The following UTRN variants were observed in gnomAD, a reference collection of about 807,000 sequenced individuals.
The protein encoded by UTRN is dystrophin-related protein 1.
A neutral mutation model predicts 463.9 loss-of-function variants in UTRN; 283 were observed. That is an observed-to-expected ratio of 0.61 (90% confidence interval 0.55 to 0.67). UTRN has a LOEUF of 0.67. UTRN is among the 30% of genes least tolerant of loss of function. The pLI, the probability that UTRN is intolerant of heterozygous loss-of-function variation, is 0.00. For synonymous variants in UTRN, 1,442 were observed against 1,431.5 expected, an observed-to-expected ratio of 1.01 and a Z score of -0.17; for missense variants, 3,922 against 4,084.3, an observed-to-expected ratio of 0.96 and a Z score of 1.08.
At chr6:144,558,054 A>G (rs1013399064) in intron 50 of UTRN, among the ~76,000 whole-genome samples, 4 of 152,228 alleles carry the variant, frequency 2.6e-5, no homozygotes, top group South Asian at 2.1e-4. Flanking sequence ...TTAAAATGCA[A>G]CTGTCTTAAA....
chr6:144,849,000 G>T (rs1288704353), intron 74 of UTRN, among the ~76,000 whole-genome samples: 1 of 152,056 alleles, frequency 6.6e-6, no homozygotes, highest in African/African-American at 2.4e-5. Flanking sequence ...TATGAGGAAT[G>T]GGGGAGAATG....
At chr6:144,707,106 T>C (rs1785172615) in intron 53 of UTRN, 1 of 152,152 alleles carries the variant, frequency 6.6e-6, no homozygotes. Flanking sequence ...TTACAAAAAT[T>C]AAATTCAAAT....
intron 34 of UTRN, among the ~76,000 whole-genome samples, chr6:144,506,098 C>G (rs1451796750): frequency 1.5e-5 from 2 of 137,788 alleles, no homozygotes; most frequent in Non-Finnish European, 1.6e-5. Flanking sequence ...TTTTTTTTTG[C>G]TTTCCATTTG....
At chr6:144,445,816 G>A (rs1050721201) in intron 14 of UTRN, among the ~76,000 whole-genome samples, 25 of 151,952 alleles carry the variant, frequency 1.6e-4, no homozygotes, top group African/African-American at 5.8e-4. Context: ...AGGCCGAGGC[G>A]GGCAGATCAC....
intron 3 of UTRN, among the ~76,000 whole-genome samples, chr6:144,405,909 T>C (rs1584645054): frequency 6.6e-6 from 1 of 152,368 alleles, no homozygotes; most frequent in African/African-American, 2.4e-5. Flanking sequence ...AACTAGTGGG[T>C]GTCCTGTTAG....
At chr6:144,763,776 A>G (rs1347357388) in intron 58 of UTRN, among the ~76,000 whole-genome samples, 1 of 152,260 alleles carries the variant, frequency 6.6e-6, no homozygotes, top group Non-Finnish European at 1.5e-5. Flanking sequence ...ATTAACGGTT[A>G]TAGAAAACTT....
At chr6:144,501,888 G>C (rs1794216493) in intron 34 of UTRN, among the ~76,000 whole-genome samples, 1 of 152,030 alleles carries the variant, frequency 6.6e-6, no homozygotes, top group Non-Finnish European at 1.5e-5. Flanking sequence ...TCATGTTTTG[G>C]TTATTTAATT....
chr6:144,433,631 C>T (rs1229169231), intron 9 of UTRN, among the ~76,000 whole-genome samples: 5 of 148,980 alleles, frequency 3.4e-5, no homozygotes, highest in African/African-American at 7.5e-5. Context: ...TCAGACGGGG[C>T]GGCCGGGCAG....
chr6:144,526,751 T>C (rs1272110333), intron 41 of UTRN, among the ~76,000 whole-genome samples: 1 of 152,030 alleles, frequency 6.6e-6, no homozygotes, highest in Non-Finnish European at 1.5e-5. Flanking sequence ...CCTTGGTTTT[T>C]TTTTTTTTTT....
At chr6:144,378,960 C>G (rs1270017062) in intron 2 of UTRN, among the ~76,000 whole-genome samples, 1 of 152,176 alleles carries the variant, frequency 6.6e-6, no homozygotes, top group Admixed American at 6.6e-5. Flanking sequence ...AGAAAGGATT[C>G]ATTTCAGCAT....
At chr6:144,464,283 G>A (rs936489510) in intron 23 of UTRN, among the ~76,000 whole-genome samples, 2 of 152,138 alleles carry the variant, frequency 1.3e-5, no homozygotes, top group African/African-American at 4.8e-5. Flanking sequence ...TTGGAGGGGC[G>A]TTCTTTGACT....
At chr6:144,403,330 T>C (rs1166842220) in intron 3 of UTRN, 146 bp downstream of exon 3, 2 of 713,040 alleles carry the variant, frequency 2.8e-6, no homozygotes, top group Non-Finnish European at 4.8e-6. Flanking sequence ...GTTCCTTTAT[T>C]CTGTCCTAAA....
chr6:144,389,204 G>T (rs1781685704), intron 2 of UTRN, among the ~76,000 whole-genome samples: 1 of 152,210 alleles, frequency 6.6e-6, no homozygotes, highest in Non-Finnish European at 1.5e-5. Context: ...GTTAATAAGA[G>T]ACAAATGGTT....
intron 23 of UTRN, among the ~76,000 whole-genome samples, chr6:144,463,627 T>TA (rs1305750999): frequency 3.9e-4 from 59 of 151,944 alleles, no homozygotes; most frequent in African/African-American, 1.3e-3. Flanking sequence ...TTTTTTTTTT[T>TA]TTTTCCCCAT....
chr6:144,660,933 C>A (rs967171492), intron 51 of UTRN, among the ~76,000 whole-genome samples: 4 of 152,302 alleles, frequency 2.6e-5, no homozygotes, highest in Non-Finnish European at 5.9e-5. Context: ...TCTAGCCTGC[C>A]AAATACTACC....
chr6:144,615,248 G>T (rs531087734), intron 51 of UTRN, among the ~76,000 whole-genome samples: 4 of 152,240 alleles, frequency 2.6e-5, no homozygotes, highest in Middle Eastern at 6.8e-3. Flanking sequence ...CAATGGCGCA[G>T]CTTCCTAGAA....
intron 2 of UTRN, among the ~76,000 whole-genome samples, chr6:144,341,086 G>C (rs1191420809): frequency 6.6e-6 from 1 of 152,118 alleles, no homozygotes; most frequent in Non-Finnish European, 1.5e-5. Context: ...TTCCCACTAT[G>C]GAAAGTTCTA....
intron 14 of UTRN, among the ~76,000 whole-genome samples, chr6:144,446,743 A>C (rs1339840573): frequency 2.6e-5 from 4 of 152,226 alleles, no homozygotes; most frequent in Admixed American, 2.6e-4. Context: ...CATGGAAAAC[A>C]CTGGTTTTGG....
At chr6:144,818,790 GA>G (rs1779306437) in intron 65 of UTRN, among the ~76,000 whole-genome samples, 1 of 152,034 alleles carries the variant, frequency 6.6e-6, no homozygotes, top group African/African-American at 2.4e-5. Flanking sequence ...CAAAAGATGT[GA>G]AAATCGTTTA....
Sources: gnomAD v4.1 joint callset for allele counts (sites outside exome capture counted in the v4.1 genomes callset) on GRCh38, gnomAD v4.1.1 for gene constraint, MANE v1.5 for transcripts, NCBI Gene and HGNC (gene_info 2026-07-23, HGNC 2026-07-21) for gene names.